Variants in IST1 observed in about 807,000 individuals in gnomAD.
IST1 encodes IST1 factor associated with ESCRT-III.
In IST1, 23 loss-of-function variants were observed where a neutral mutation model predicts 37.0. The ratio of observed to expected loss-of-function variants is 0.62; its 90% confidence interval spans 0.45 to 0.88. IST1 has a LOEUF of 0.88. IST1 is among the 40% of genes least tolerant of loss of function. The pLI is 0.00. For synonymous variants in IST1, 180 were observed against 161.7 expected (o/e 1.11, Z -0.86); for missense variants, 488 against 445.4 (o/e 1.10, Z -0.86).
At chr16:71,919,422 C>T (rs1297034241) in intron 4 of IST1, among the ~76,000 whole-genome samples, 1 of 152,234 alleles carries the variant, frequency 6.6e-6, no homozygotes, top group African/African-American at 2.4e-5. Context: ...CTTGATCTGT[C>T]ACCCAGGCTG....
rs1053949852 is a variant in IST1 at position 71,931,014 on chromosome 16, C to T, written c.*3201C>T. 8.5e-5 allele frequency: 13 copies of T among 152,304 alleles called. No homozygotes were observed. Among genetic ancestry groups the T allele is most frequent in the South Asian group, 6.2e-4 (3 of 4,832 alleles). The allele number at this position is 152,304 out of a possible 1,614,324, so 9.4% of individuals were successfully genotyped here. ...GTCAACCAGATAATGTGGGCAATCT[C>T]TGAGTTTGTGATACAAGACTTATTT... On this transcript the variant is annotated 3_prime_UTR_variant, in exon 10 of 10. Coordinates refer to ENST00000378799, the MANE Select transcript of IST1 (RefSeq NM_001270975.2).
At chr16:71,922,328 ACT>A (rs1385270360) in intron 6 of IST1, 144 bp from the exon 7 acceptor site, 105 of 698,774 alleles carry the variant, frequency 1.5e-4, no homozygotes, top group Non-Finnish European at 2.3e-4. Flanking sequence ...CTTCCACCTA[ACT>A]CTGCCTTTTC....
In IST1 at chr16:71,907,954, C is replaced by CT. The variant is rs956845284; in HGVS notation, c.-15-7663dup. Among the ~76,000 whole-genome samples, 43 of 151,280 alleles carry CT rather than the reference C, an allele frequency of 2.8e-4. No individual in the cohort carries two copies. The East Asian group carries it at 3.3e-3, about 12-fold the overall frequency. ...GATTTGTCTCCTCTTTATGTCTTTA[C>CT]TTTTTTTTTGAGACGGAGTCTCGCT... is the stretch of plus-strand genomic sequence containing the variant. On this transcript the variant is annotated intron_variant, in intron 1 of 9. Transcript: ENST00000378799.
chr16:71,920,303 C>T (rs1042213098), intron 4 of IST1, among the ~76,000 whole-genome samples: 1 of 152,178 alleles, frequency 6.6e-6, no homozygotes, highest in Non-Finnish European at 1.5e-5. Flanking sequence ...TTATATTTAA[C>T]AGCTACATAG....
Position 71,929,436 on chromosome 16 carries a change from T to TA in IST1, c.*1624dup, listed in dbSNP as rs2037837758. On this transcript the variant is annotated 3_prime_UTR_variant, in exon 10 of 10. Coordinates refer to ENST00000378799, the MANE Select transcript of IST1 (RefSeq NM_001270975.2). ...ACCAAGGGGATTTTGATTCCTAACTTACAGAATTAAAAACAAAGTATATTA... is the reference window on the plus strand; with the variant it reads ...ACCAAGGGGATTTTGATTCCTAACTTAACAGAATTAAAAACAAAGTATATTA... The TA allele has an allele frequency of 4.9e-6, 6 of 1,212,470 alleles. No individual in the cohort carries two copies. The East Asian group carries it at 1.6e-4, about 32-fold the overall frequency. The allele number at this position is 1,212,470 out of a possible 1,614,324, so 75.1% of individuals were successfully genotyped here. A position where few individuals can be genotyped will look rare whatever the true frequency, so the allele number is the denominator to read the frequency against.
chr16:71,920,897 G>C (rs764980563), intron 5 of IST1, 75 bp downstream of exon 5: 2 of 1,014,954 alleles, frequency 2.0e-6, no homozygotes, highest in East Asian at 2.4e-5. Context: ...CAATTCTAGT[G>C]GGTACCACTG....
chr16:71,920,921 G>C, intron 5 of IST1, 99 bp downstream of exon 5: 1 of 887,776 alleles, frequency 1.1e-6, no homozygotes, highest in East Asian at 2.5e-5. Context: ...TGCTCAGTAT[G>C]GGGTTTCACC....
chr16:71,915,607 G>T lies in IST1; in HGVS notation c.-15-19G>T. ...TAATGTTGACTTGAAAATAGTCATT[G>T]TGCTTCTTCTGTTTCTAGGAGGAAC... On this transcript the variant is annotated intron_variant, in intron 1 of 9. Transcript: ENST00000378799. The T allele has an allele frequency of 1.9e-6, 3 of 1,561,944 alleles. No homozygotes were observed. Among genetic ancestry groups the T allele is most frequent in the Non-Finnish European group, 2.6e-6 (3 of 1,144,914 alleles).
At chr16:71,921,758 C>T (rs148791358) in intron 6 of IST1, 1 of 290,902 alleles carries the variant, frequency 3.4e-6, no homozygotes, top group African/African-American at 2.2e-5. Flanking sequence ...CCCCAAGACC[C>T]AAACAGTTCC....
Position 71,927,575 on chromosome 16 carries a change from C to T in IST1, c.902-39C>T, listed in dbSNP as rs753045358. 5.8e-6 allele frequency: 8 copies of T among 1,388,846 alleles called. No homozygotes were observed. The East Asian group carries it at 6.9e-5, about 12-fold the overall frequency. The allele number at this position is 1,388,846 out of a possible 1,614,324, so 86.0% of individuals were successfully genotyped here. On this transcript the variant is annotated intron_variant, in intron 9 of 9. Coordinates refer to ENST00000378799, the MANE Select transcript of IST1 (RefSeq NM_001270975.2). Reference sequence around the variant, plus strand: ...CTGCCAAAGGGGATCTGAGTCATTTCTCTGGTATTTGTAACGTTGTGCTCC... The same window carrying T: ...CTGCCAAAGGGGATCTGAGTCATTTTTCTGGTATTTGTAACGTTGTGCTCC...
intron 1 of IST1, among the ~76,000 whole-genome samples, chr16:71,900,086 G>A (rs2037069803): frequency 6.6e-6 from 1 of 150,906 alleles, no homozygotes; most frequent in African/African-American, 2.4e-5. Context: ...GAATCGCTTG[G>A]ACCTGGGAGG....
chr16:71,898,730 G>A (rs962709098), intron 1 of IST1, among the ~76,000 whole-genome samples: 3 of 151,284 alleles, frequency 2.0e-5, no homozygotes, highest in Non-Finnish European at 4.4e-5. Flanking sequence ...TGTAATCCCA[G>A]CACTTTGGGA....
In IST1 at chr16:71,916,511, T is replaced by A; in HGVS notation, c.138T>A (p.Ala46=). The change falls in exon 3 of 10, where the codon GCT becomes GCA. Residue 46 remains alanine (A), a synonymous_variant. Transcript: ENST00000378799. Reference sequence around the variant, plus strand: ...AGGAGATTGCTGACTATCTGGCTGCTGGGAAAGATGAACGAGCTCGGATCC... The same window carrying A: ...AGGAGATTGCTGACTATCTGGCTGCAGGGAAAGATGAACGAGCTCGGATCC... The part of the protein sequence containing the change: ...ARKEIADYLA[A]GKDERARIRV... The A allele has an allele frequency of 1.2e-6, 2 of 1,613,436 alleles. No homozygotes were observed. Among genetic ancestry groups the A allele is most frequent in the Non-Finnish European group, 8.5e-7 (1 of 1,179,848 alleles).
At chr16:71,914,170 C>CT (rs35711807) in intron 1 of IST1, among the ~76,000 whole-genome samples, 6,753 of 135,080 alleles carry the variant, frequency 0.05, 188 homozygotes, top group Middle Eastern at 0.073. Flanking sequence ...GGGGTTGTAC[C>CT]TTTTTTTTTT....
chr16:71,913,531 T>C (rs1334719173), intron 1 of IST1, among the ~76,000 whole-genome samples: 1 of 152,184 alleles, frequency 6.6e-6, no homozygotes, highest in Admixed American at 6.5e-5. Context: ...GACAGAGTCT[T>C]GCTCTCTCAC....
rs1317345725 is a variant in IST1, at chr16:71,928,477, C to T, written c.*664C>T. 6.5e-6 allele frequency: 1 copy of T among 152,746 alleles called. No homozygotes were observed. Among genetic ancestry groups the T allele is most frequent in the Non-Finnish European group, 1.5e-5 (1 of 68,178 alleles). The allele number at this position is 152,746 out of a possible 1,614,324, so 9.5% of individuals were successfully genotyped here. A position where few individuals can be genotyped will look rare whatever the true frequency, so the allele number is the denominator to read the frequency against. On this transcript the variant is annotated 3_prime_UTR_variant, in exon 10 of 10. Coordinates refer to ENST00000378799, the MANE Select transcript of IST1 (RefSeq NM_001270975.2). ...TTGTACTGGATTCTCAGGGAGCCCT[C>T]TGTGGCCTTTTGCTTTGCGTGCTGT...
In IST1 at chr16:71,910,565, C is replaced by T. The variant is rs112056754; in HGVS notation, c.-15-5061C>T. Among the ~76,000 whole-genome samples, 589 of 149,490 alleles carry T rather than the reference C, an allele frequency of 3.9e-3. 2 individuals are homozygous for T. Among genetic ancestry groups the T allele is most frequent in the Non-Finnish European group, 7.0e-3 (476 of 67,612 alleles). On this transcript the variant is annotated intron_variant, in intron 1 of 9. Transcript: ENST00000378799. ...AGCTTGCAGTGGGCCGAGATTGTGC[C>T]GCTGCACTCCAGCCTGGGTGACAGA...
chr16:71,922,264 C>T (rs2037609970), intron 6 of IST1, among the ~76,000 whole-genome samples: 1 of 152,208 alleles, frequency 6.6e-6, no homozygotes, highest in African/African-American at 2.4e-5. Flanking sequence ...CTGCAGAAGT[C>T]ATTGGGGAAT....
At chr16:71,905,384 C>CTT (rs1219638533) in intron 1 of IST1, among the ~76,000 whole-genome samples, 7 of 86,490 alleles carry the variant, frequency 8.1e-5, no homozygotes, top group African/African-American at 2.0e-4. Flanking sequence ...ATGAACTTTT[C>CTT]TTTTTTTTTT....
Sources: gnomAD v4.1 joint callset for allele counts (sites outside exome capture counted in the v4.1 genomes callset) on GRCh38, gnomAD v4.1.1 for gene constraint, MANE v1.5 for transcripts, NCBI Gene and HGNC (gene_info 2026-07-23, HGNC 2026-07-21) for gene names.